OSBPL10: variants seen among roughly 807,000 people sequenced by gnomAD.
The protein encoded by OSBPL10 is oxysterol binding protein like 10, also known as oxysterol-binding protein-related protein 10.
Under a neutral mutation model 81.7 loss-of-function variants are expected in OSBPL10, and 49 were observed. That is an observed-to-expected ratio of 0.60 (90% CI 0.48 to 0.76). The LOEUF is 0.76. Ranked by LOEUF, OSBPL10 falls within the 30% of genes least tolerant of loss-of-function variation. The pLI is 0.00. For synonymous variants in OSBPL10, 419 were observed against 383.6 expected (o/e 1.09, Z -1.08); for missense variants, 923 against 987.8 (o/e 0.93, Z 0.88).
intron 1 of OSBPL10, 25 bp downstream of exon 1, chr3:31,980,874 G>C (rs554129214): frequency 1.7e-5 from 27 of 1,545,436 alleles, no homozygotes; most frequent in Middle Eastern, 2.1e-4. Context: ...GCGGCGCGCG[G>C]TGGCGCGGGC....
intron 2 of OSBPL10, chr3:31,989,063 T>G: frequency 6.2e-7 from 1 of 1,613,852 alleles, no homozygotes; most frequent in Non-Finnish European, 8.5e-7. Flanking sequence ...TGCAGCACTA[T>G]TGATTTCTAA....
chr3:32,014,279 C>G (rs143639729), intron 2 of OSBPL10, among the ~76,000 whole-genome samples: 21 of 152,198 alleles, frequency 1.4e-4, no homozygotes, highest in South Asian at 1.2e-3. Context: ...TGGGATGCAA[C>G]GCTGGTTCAA....
intron 4 of OSBPL10, among the ~76,000 whole-genome samples, chr3:31,766,004 C>A (rs1042001839): frequency 6.6e-6 from 1 of 152,086 alleles, no homozygotes; most frequent in Non-Finnish European, 1.5e-5. Flanking sequence ...TCTCTCTATC[C>A]CCTGGTCTCT....
At chr3:32,024,719 C>G (rs1025460979) in intron 2 of OSBPL10, among the ~76,000 whole-genome samples, 5 of 152,036 alleles carry the variant, frequency 3.3e-5, no homozygotes, top group African/African-American at 1.2e-4. Context: ...TCCTGACCAC[C>G]TGCCTCGGCC....
chr3:31,784,020 G>A (rs1380885381), intron 4 of OSBPL10, among the ~76,000 whole-genome samples: 1 of 150,972 alleles, frequency 6.6e-6, no homozygotes, highest in Non-Finnish European at 1.5e-5. Flanking sequence ...AGAAACTTGT[G>A]ATTTGTTGCT....
chr3:31,717,049 G>C (rs1032839280), intron 6 of OSBPL10: 1 of 152,178 alleles, frequency 6.6e-6, no homozygotes, highest in African/African-American at 2.4e-5. Context: ...AGAAGCAAGA[G>C]GCATTTACTG....
chr3:31,707,049 T>A (rs975933018), intron 6 of OSBPL10: 1 of 148,282 alleles, frequency 6.7e-6, no homozygotes, highest in East Asian at 2.1e-4. Context: ...TCTACTAACA[T>A]CTCCTTTATT....
chr3:31,753,901 A>C (rs570380824), intron 4 of OSBPL10, among the ~76,000 whole-genome samples: 4 of 152,148 alleles, frequency 2.6e-5, no homozygotes, highest in Admixed American at 6.5e-5. Flanking sequence ...TCTTCCTCAC[A>C]GTGGCAAACA....
At chr3:31,925,376 C>T (rs914630273) in intron 1 of OSBPL10, among the ~76,000 whole-genome samples, 1 of 152,138 alleles carries the variant, frequency 6.6e-6, no homozygotes, top group African/African-American at 2.4e-5. Context: ...CCCTAAAGTA[C>T]TCTGACAATA....
At chr3:31,788,474 G>C (rs990344417) in intron 4 of OSBPL10, among the ~76,000 whole-genome samples, 2 of 152,152 alleles carry the variant, frequency 1.3e-5, no homozygotes, top group Non-Finnish European at 2.9e-5. Flanking sequence ...TACAAATTTG[G>C]TGGTGGGTGG....
chr3:31,798,989 T>G (rs183488543), intron 4 of OSBPL10, among the ~76,000 whole-genome samples: 100 of 152,180 alleles, frequency 6.6e-4, no homozygotes, highest in African/African-American at 2.2e-3. Context: ...GCGGTGGAGC[T>G]CAGGCAGTAC....
chr3:32,004,366 C>G (rs1477477535), intron 2 of OSBPL10, among the ~76,000 whole-genome samples: 1 of 152,112 alleles, frequency 6.6e-6, no homozygotes, highest in Non-Finnish European at 1.5e-5. Context: ...AAGCCCCTGC[C>G]CATCCCTTAC....
At chr3:31,980,755 G>T in intron 1 of OSBPL10, 144 bp downstream of exon 1, 1 of 1,101,080 alleles carries the variant, frequency 9.1e-7, no homozygotes, top group Non-Finnish European at 1.2e-6. Context: ...GACGCAGGAA[G>T]GGCACCGTTG....
At chr3:31,912,442 G>T (rs996788141) in intron 1 of OSBPL10, among the ~76,000 whole-genome samples, 1 of 151,946 alleles carries the variant, frequency 6.6e-6, no homozygotes, top group Non-Finnish European at 1.5e-5. Flanking sequence ...ACGGGGTCGG[G>T]GGGCGGACAT....
At chr3:31,683,354 G>A (rs978509441) in intron 8 of OSBPL10, among the ~76,000 whole-genome samples, 1 of 152,172 alleles carries the variant, frequency 6.6e-6, no homozygotes, top group Non-Finnish European at 1.5e-5. Flanking sequence ...GTACCTGTAA[G>A]GTGTGCACGC....
chr3:31,824,127 T>C (rs1230901962), intron 4 of OSBPL10, among the ~76,000 whole-genome samples: 2 of 152,214 alleles, frequency 1.3e-5, no homozygotes, highest in Admixed American at 1.3e-4. Flanking sequence ...CCCAAAGTGA[T>C]GGAATTATAG....
chr3:31,876,223 T>C lies in OSBPL10; in HGVS notation c.537+210A>G, dbSNP rs542076026. Among the ~76,000 whole-genome samples, 3 of 152,348 alleles carry C rather than the reference T, an allele frequency of 2.0e-5. 1 individual carries two copies. The highest frequency in any genetic ancestry group is 4.1e-4 in the South Asian group (2 of 4,828). On this transcript the variant is annotated intron_variant, in intron 3 of 11. Coordinates refer to ENST00000396556, the MANE Select transcript of OSBPL10 (RefSeq NM_017784.5). The stretch of plus-strand genomic sequence containing the variant: ...GTCTTTCCAGATTCGGTTCCCATAG[T>C]GTCTGCGTGCCTGCGTATTCTACCT...
chr3:31,725,573 A>G (rs1183859883), intron 6 of OSBPL10, among the ~76,000 whole-genome samples: 2 of 152,172 alleles, frequency 1.3e-5, no homozygotes, highest in Non-Finnish European at 2.9e-5. Flanking sequence ...TATAACTACA[A>G]CCACTTAGCA....
At chr3:31,673,775 G>A (rs570048198) in intron 8 of OSBPL10, among the ~76,000 whole-genome samples, 11 of 152,212 alleles carry the variant, frequency 7.2e-5, no homozygotes, top group African/African-American at 1.4e-4. Flanking sequence ...TGACACTCTC[G>A]TGTAATGCCA....
Sources: allele counts gnomAD v4.1 joint callset (sites outside exome capture counted in the v4.1 genomes callset), GRCh38; gene constraint gnomAD v4.1.1; transcripts MANE v1.5; gene names NCBI Gene and HGNC (gene_info 2026-07-23, HGNC 2026-07-21).